C4orf50: variants seen among roughly 807,000 people sequenced by gnomAD.
The protein encoded by C4orf50 is chromosome 4 open reading frame 50, also known as uncharacterized protein C4orf50.
Under a neutral mutation model 77.2 loss-of-function variants are expected in C4orf50, and 80 were observed. The observed-to-expected ratio is 1.04, with a 90% CI of 0.87 to 1.25. C4orf50 has a LOEUF of 1.25. C4orf50 is among the 50% of genes most tolerant of loss of function. The pLI is 0.00. For missense variants in C4orf50, 1,257 were observed against 1,152.9 expected, an observed-to-expected ratio of 1.09 and a Z score of -1.31; for synonymous variants, 532 against 465.3, an observed-to-expected ratio of 1.14 and a Z score of -1.84.
At chr4:5,936,520 C>A (rs968946794) in intron 7 of C4orf50, among the ~76,000 whole-genome samples, 6 of 146,026 alleles carry the variant, frequency 4.1e-5, no homozygotes, top group African/African-American at 1.5e-4. Context: ...CGAGATCGCA[C>A]CACTGCACTC....
intron 29 of C4orf50, among the ~76,000 whole-genome samples, chr4:5,978,829 C>T (rs1659070192): frequency 6.6e-6 from 1 of 152,214 alleles, no homozygotes; most frequent in South Asian, 2.1e-4. Flanking sequence ...GAAACCACAT[C>T]CACCCAATAG....
In C4orf50 at chr4:6,008,871, G is replaced by A. The variant is rs1297356067; in HGVS notation, c.427-339C>T. 6.6e-6 allele frequency among the ~76,000 whole-genome samples: 1 copy of A among 152,076 alleles called. No homozygotes were observed. The highest frequency in any genetic ancestry group is 1.5e-5 in the Non-Finnish European group (1 of 68,020). ...CTGGAGATGTCCGGATACTGAATACGTCCGCACCTGAGTGCACACAGCTGC... is the reference window on the plus strand; with the variant it reads ...CTGGAGATGTCCGGATACTGAATACATCCGCACCTGAGTGCACACAGCTGC... On this transcript the variant is annotated intron_variant, in intron 24 of 33. Transcript: ENST00000531445. The surrounding 1 kb of genome is among the most constrained non-coding windows in gnomAD (Gnocchi z 6.0).
intron 7 of C4orf50, among the ~76,000 whole-genome samples, chr4:5,931,768 C>T (rs1024004754): frequency 3.3e-5 from 5 of 152,120 alleles, no homozygotes. Context: ...GCACACCCCT[C>T]CCTCCCATCT....
chr4:5,950,485 T>C lies in C4orf50; in HGVS notation c.*2474+6416A>G, dbSNP rs190755519. On this transcript the variant is annotated intron_variant, in intron 7 of 7. Coordinates refer to the C4orf50 transcript ENST00000324058. Reference sequence around the variant, plus strand: ...GGTTCCTTTTATTATTCTCTGTACTTTTGTCAAGGTTCGAAATTTTTCAAA... The same window carrying C: ...GGTTCCTTTTATTATTCTCTGTACTCTTGTCAAGGTTCGAAATTTTTCAAA... Among the ~76,000 whole-genome samples, 885 of 151,342 alleles carry C rather than the reference T, an allele frequency of 5.8e-3. 9 individuals carry two copies. Among genetic ancestry groups the C allele is most frequent in the African/African-American group, 0.021 (837 of 40,658 alleles).
chr4:5,990,048 C>T (rs1253053097), exon 28 of C4orf50: 13 of 1,351,818 alleles, frequency 9.6e-6, no homozygotes, highest in Middle Eastern at 5.4e-4. Context: ...CTGGGGGTGC[C>T]ACTTCCTCAT....
intron 32 of C4orf50, 75 bp downstream of exon 10, chr4:5,967,339 C>A: frequency 8.4e-7 from 1 of 1,194,352 alleles, no homozygotes; most frequent in East Asian, 2.3e-5. Context: ...CCCTCTGGCC[C>A]ACCTCTCACA....
chr4:5,914,394 T>C (rs1311141275), intron 7 of C4orf50, among the ~76,000 whole-genome samples: 1 of 151,770 alleles, frequency 6.6e-6, no homozygotes, highest in Admixed American at 6.6e-5. Flanking sequence ...TTAGTAGAGA[T>C]GGGGTTTCAC....
rs1716645327 is a variant in C4orf50, at chr4:5,908,332, G to C, written c.*2475-10144C>G. 6.6e-6 allele frequency among the ~76,000 whole-genome samples: 1 copy of C among 152,108 alleles called. No individual in the cohort carries two copies. The highest frequency in any genetic ancestry group is 1.5e-5 in the Non-Finnish European group (1 of 68,030). On this transcript the variant is annotated intron_variant, in intron 7 of 7. Transcript: ENST00000324058. This position sits in a 1 kb window ranked among gnomAD's most constrained non-coding sequence, Gnocchi z 5.6. ...AAAGCTGACTGAGACATTATGACAGGGTACATGCAGGAAGCTCACTGCACT... is the reference window on the plus strand; with the variant it reads ...AAAGCTGACTGAGACATTATGACAGCGTACATGCAGGAAGCTCACTGCACT...
chr4:5,997,240 C>T (rs114934519), intron 25 of C4orf50, among the ~76,000 whole-genome samples: 2 of 152,310 alleles, frequency 1.3e-5, no homozygotes, highest in South Asian at 2.1e-4. Context: ...TGTTATCATA[C>T]CCAGGCTGAC....
intron 23 of C4orf50, among the ~76,000 whole-genome samples, chr4:6,014,005 G>GTTTT (rs35565123): frequency 1.0e-5 from 1 of 97,398 alleles, no homozygotes; most frequent in East Asian, 2.0e-4. Flanking sequence ...TAAGTTGTGT[G>GTTTT]TTTTTTTTTT....
chr4:5,994,529 T>C (rs4993357), intron 25 of C4orf50, 53 bp from the exon 4 acceptor site: 34,487 of 398,970 alleles, frequency 0.086, 2,362 homozygotes, highest in African/African-American at 0.25. Flanking sequence ...CTGAAGTGTG[T>C]ACTCCAAGCC....
chr4:5,915,324 T>G (rs1716984357), intron 7 of C4orf50, among the ~76,000 whole-genome samples: 1 of 152,210 alleles, frequency 6.6e-6, no homozygotes, highest in African/African-American at 2.4e-5. Context: ...TCAGACACAG[T>G]TTGTTCTTGA....
At chr4:5,972,008 A>ATTT (rs33971925) in intron 31 of C4orf50, among the ~76,000 whole-genome samples, 7 of 140,126 alleles carry the variant, frequency 5.0e-5, no homozygotes, top group African/African-American at 7.9e-5. Flanking sequence ...TCTGCTTTCG[A>ATTT]TTTTTTTTTT....
At position 5,990,046 on chromosome 4, in the gene C4orf50, G is replaced by C. The variant is rs1384614141; in HGVS notation, c.2000C>G (p.Ala667Gly). The change falls in exon 28 of 34, where the codon GCA becomes GGA. Residue 667 changes from alanine to glycine, a missense_variant. By Grantham distance (60) the Ala-to-Gly change is moderately conservative (BLOSUM62 0). Transcript: ENST00000531445. The stretch of plus-strand genomic sequence containing the variant: ...AGCCCTGGAGAAGGTGGCTGGGGGT[G>C]CCACTTCCTCATTCTCTGATGACAG... 6 of 1,350,222 alleles carry C rather than the reference G, an allele frequency of 4.4e-6. No homozygotes were observed. In the African/African-American group the frequency reaches 8.7e-5, roughly 20 times the overall value. The allele number at this position is 1,350,222 out of a possible 1,614,324, so 83.6% of individuals were successfully genotyped here.
chr4:5,935,250 G>T (rs960041368), intron 7 of C4orf50, among the ~76,000 whole-genome samples: 1 of 152,206 alleles, frequency 6.6e-6, no homozygotes, highest in African/African-American at 2.4e-5. Flanking sequence ...AGTTCGACAT[G>T]GACGCAGACA....
chr4:5,943,071 A>C (rs1196383697), intron 7 of C4orf50, among the ~76,000 whole-genome samples: 1 of 152,176 alleles, frequency 6.6e-6, no homozygotes, highest in Non-Finnish European at 1.5e-5. Flanking sequence ...GCATATATGA[A>C]AGGATATTTG....
intron 28 of C4orf50, among the ~76,000 whole-genome samples, chr4:5,981,076 A>G (rs989503758): frequency 6.6e-6 from 1 of 152,192 alleles, no homozygotes; most frequent in Non-Finnish European, 1.5e-5. Flanking sequence ...AATAACTCAC[A>G]TACATATATA....
chr4:5,927,770 A>G (rs1577897298), intron 7 of C4orf50, among the ~76,000 whole-genome samples: 3 of 152,212 alleles, frequency 2.0e-5, no homozygotes, highest in Middle Eastern at 6.8e-3. Context: ...TCTTTCCTTT[A>G]TAAGTTACCC....
intron 31 of C4orf50, among the ~76,000 whole-genome samples, chr4:5,969,558 C>G (rs531219140): frequency 1.1e-4 from 17 of 151,996 alleles, no homozygotes; most frequent in Non-Finnish European, 2.4e-4. Context: ...GCTAGTATGC[C>G]CAAGGCCCCT....
Sources: allele counts gnomAD v4.1 joint callset (sites outside exome capture counted in the v4.1 genomes callset), GRCh38; gene constraint gnomAD v4.1.1; non-coding constraint Gnocchi (gnomAD v3.1); transcripts MANE v1.5; gene names NCBI Gene and HGNC (gene_info 2026-07-23, HGNC 2026-07-21).